Variants in QRSL1 observed in about 807,000 individuals in gnomAD.
The protein encoded by QRSL1 is glutamyl-tRNA(Gln) amidotransferase subunit A, mitochondrial.
Under a neutral mutation model 61.6 loss-of-function variants are expected in QRSL1, and 54 were observed. The observed-to-expected ratio is 0.88, with a 90% confidence interval of 0.70 to 1.10. The LOEUF (loss-of-function observed/expected upper bound fraction) is 1.10, where lower values mean the gene tolerates loss of function less well. Among genes scored for constraint, QRSL1 ranks in the 50% least tolerant of loss-of-function variants. QRSL1 has a pLI of 0.00. For synonymous variants in QRSL1, 228 were observed against 225.7 expected, an observed-to-expected ratio of 1.01 and a Z score of -0.09; for missense variants, 505 against 622.6, an observed-to-expected ratio of 0.81 and a Z score of 2.01.
At position 106,663,130 on chromosome 6, in the gene QRSL1, C is replaced by A. The variant is rs1777383748; in HGVS notation, c.1311C>A (p.Asp437Glu). 1 of 1,614,172 alleles carries A rather than the reference C, an allele frequency of 6.2e-7. No homozygotes were observed. The highest frequency in any genetic ancestry group is 1.1e-5 in the South Asian group (1 of 91,086). ...AVPYLEFIKE[D>E]NRTRSAQDDI... Reference sequence around the variant, plus strand: ...CATACTTGGAGTTCATCAAAGAGGACAACAGAACCCGAAGTGCCCAGGATG... The same window carrying A: ...CATACTTGGAGTTCATCAAAGAGGAAAACAGAACCCGAAGTGCCCAGGATG... The change falls in exon 10 of 11, where the codon GAC becomes GAA. Residue 437 changes from aspartate (D) to glutamate (E), a missense_variant. By Grantham distance (45) the Asp-to-Glu change is conservative (BLOSUM62 2). Coordinates refer to ENST00000369046, the MANE Select transcript of QRSL1 (RefSeq NM_018292.5).
At chr6:106,651,883 T>G (rs1167148726) in intron 5 of QRSL1, among the ~76,000 whole-genome samples, 1 of 152,200 alleles carries the variant, frequency 6.6e-6, no homozygotes, top group East Asian at 1.9e-4. Flanking sequence ...CTTTACATTT[T>G]CAGGAATTTT....
intron 9 of QRSL1, among the ~76,000 whole-genome samples, chr6:106,659,722 G>A (rs77764278): frequency 0.032 from 4,944 of 152,212 alleles, 274 homozygotes; most frequent in East Asian, 0.19. Context: ...TCTTTTCAAG[G>A]CTTCTTTTAA....
intron 1 of QRSL1, among the ~76,000 whole-genome samples, chr6:106,638,853 G>A (rs1334111038): frequency 1.3e-5 from 2 of 152,136 alleles, no homozygotes; most frequent in Non-Finnish European, 2.9e-5. Flanking sequence ...CAGTAGCTAA[G>A]AGCAGATCAT....
At chr6:106,644,375 CT>C (rs1777074935) in intron 4 of QRSL1, among the ~76,000 whole-genome samples, 2 of 152,198 alleles carry the variant, frequency 1.3e-5, no homozygotes, top group Admixed American at 1.3e-4. Context: ...CCAGGCTGGT[CT>C]TGAACTCCTG....
intron 1 of QRSL1, among the ~76,000 whole-genome samples, chr6:106,632,810 A>AT (rs1263779582): frequency 4.0e-5 from 6 of 151,826 alleles, no homozygotes; most frequent in Admixed American, 3.3e-4. Flanking sequence ...TGATTATTGG[A>AT]TTTTTTCCTG....
intron 1 of QRSL1, among the ~76,000 whole-genome samples, chr6:106,634,808 G>A (rs1416597232): frequency 6.6e-6 from 1 of 152,052 alleles, no homozygotes; most frequent in Non-Finnish European, 1.5e-5. Flanking sequence ...TTAGAAGCCT[G>A]TTGCATTGGC....
chr6:106,665,810 A>C lies in QRSL1; in HGVS notation c.1395A>C (p.Ala465=). ...AGLPAVSIPV[A]LSNQGLPIGL... ...TGCCAGCAGTGAGTATCCCTGTTGC[A>C]CTCTCAAACCAAGGGTTGCCAATAG... Residue 465 remains alanine, a synonymous_variant, in exon 11 of 11, where the codon GCA becomes GCC. Coordinates refer to ENST00000369046, the MANE Select transcript of QRSL1 (RefSeq NM_018292.5). 1 of 1,613,876 alleles carries C rather than the reference A, an allele frequency of 6.2e-7. No individual in the cohort carries two copies. Among genetic ancestry groups the C allele is most frequent in the Non-Finnish European group, 8.5e-7 (1 of 1,179,844 alleles).
intron 10 of QRSL1, among the ~76,000 whole-genome samples, chr6:106,665,229 TG>T (rs1353619196): frequency 1.2e-4 from 19 of 152,218 alleles, no homozygotes; most frequent in African/African-American, 4.3e-4. Context: ...AAAACTACCC[TG>T]AGCTAATTTC....
intron 1 of QRSL1, 34 bp downstream of exon 1, chr6:106,629,739 G>A: frequency 1.3e-6 from 2 of 1,592,236 alleles, no homozygotes; most frequent in Non-Finnish European, 1.7e-6. Flanking sequence ...GCCCCCGGGA[G>A]GGCGGAAAGT....
intron 9 of QRSL1, among the ~76,000 whole-genome samples, chr6:106,657,289 A>G (rs1777286881): frequency 1.3e-5 from 2 of 151,698 alleles, no homozygotes; most frequent in African/African-American, 2.4e-5. Flanking sequence ...AAAGAATACT[A>G]TTTGGTTATG....
chr6:106,642,840 C>T lies in QRSL1; in HGVS notation c.284-154C>T, dbSNP rs187847835. The T allele has an allele frequency of 1.1e-3, 810 of 764,188 alleles. 14 individuals carry two copies. Among genetic ancestry groups the T allele is most frequent in the South Asian group, 7.7e-3 (528 of 68,800 alleles). 47.3% of individuals were successfully genotyped at this position (764,188 alleles called of 1,614,324 possible). On this transcript the variant is annotated intron_variant, in intron 3 of 10. Transcript: ENST00000369046. ...ACCTGGGTTCAACTGACGTGCCAGC[C>T]TGCTCCACCCAGAGAAGCGCACTGT...
chr6:106,643,548 C>T (rs371182396), intron 4 of QRSL1, among the ~76,000 whole-genome samples: 24 of 152,150 alleles, frequency 1.6e-4, no homozygotes, highest in African/African-American at 3.6e-4. Context: ...GGTGTGGTGG[C>T]GCATGCCTGT....
Position 106,655,659 on chromosome 6 carries a change from G to A in QRSL1, c.1087G>A (p.Ala363Thr), listed in dbSNP as rs1342488190. 1 of 1,613,376 alleles carries A rather than the reference G, an allele frequency of 6.2e-7. No individual in the cohort carries two copies. The highest frequency in any genetic ancestry group is 8.5e-7 in the Non-Finnish European group (1 of 1,179,674). ...TGTGTCCACTGAAGCCATGTATGCT[G>A]CAACCAGACGAGAAGGGTTTAATGA... is the stretch of plus-strand genomic sequence containing the variant. ...IDVSTEAMYA[A>T]TRREGFNDVV... The change falls in exon 9 of 11, where the codon GCA (alanine) becomes ACA (threonine). Residue 363 changes from alanine to threonine, a missense_variant. Ala to Thr is a moderately conservative substitution (Grantham distance 58). Transcript: ENST00000369046.
intron 1 of QRSL1, among the ~76,000 whole-genome samples, chr6:106,632,045 A>G (rs1408035635): frequency 6.6e-6 from 1 of 152,228 alleles, no homozygotes; most frequent in African/African-American, 2.4e-5. Context: ...TCCCACAAAT[A>G]GGTGAGAACA....
chr6:106,663,886 C>T (rs1777396833), intron 10 of QRSL1, among the ~76,000 whole-genome samples: 1 of 152,092 alleles, frequency 6.6e-6, no homozygotes, highest in African/African-American at 2.4e-5. Context: ...ATGCCCTTCA[C>T]CTGGATGTAA....
intron 1 of QRSL1, among the ~76,000 whole-genome samples, chr6:106,639,439 A>G (rs1235669052): frequency 6.6e-6 from 1 of 152,104 alleles, no homozygotes; most frequent in Non-Finnish European, 1.5e-5. Context: ...GGTTGTTTTA[A>G]GGGTTAAATG....
intron 5 of QRSL1, among the ~76,000 whole-genome samples, chr6:106,649,946 C>T (rs932745041): frequency 7.9e-5 from 12 of 152,080 alleles, no homozygotes; most frequent in African/African-American, 2.9e-4. Context: ...CTTAATTATC[C>T]ATTAAAACTA....
chr6:106,666,508 A>T lies in QRSL1; in HGVS notation c.*506A>T, dbSNP rs976686659. 1 of 163,612 alleles carries T rather than the reference A, an allele frequency of 6.1e-6. No homozygotes were observed. The highest frequency in any genetic ancestry group is 1.4e-5 in the Non-Finnish European group (1 of 73,836). 10.1% of individuals were successfully genotyped at this position (163,612 alleles called of 1,614,324 possible). Reference sequence around the variant, plus strand: ...TTTAGTAAGCATCCACTAAGTGTACAATACTTCTACAATAACACAAGATAC... The same window carrying T: ...TTTAGTAAGCATCCACTAAGTGTACTATACTTCTACAATAACACAAGATAC... On this transcript the variant is annotated 3_prime_UTR_variant, in exon 11 of 11. Transcript: ENST00000369046.
At chr6:106,655,017 T>C (rs1030303221) in intron 8 of QRSL1, 95 bp downstream of exon 8, 67 of 1,176,032 alleles carry the variant, frequency 5.7e-5, no homozygotes, top group Admixed American at 7.3e-5. Context: ...CTTGAGATAA[T>C]GTTAGTGATT....
Sources: allele counts gnomAD v4.1 joint callset (sites outside exome capture counted in the v4.1 genomes callset), GRCh38; gene constraint gnomAD v4.1.1; transcripts MANE v1.5; gene names NCBI Gene and HGNC (gene_info 2026-07-23, HGNC 2026-07-21).